The following PIGU variants were observed in gnomAD, a reference collection of about 807,000 sequenced individuals.
PIGU encodes phosphatidylinositol glycan anchor biosynthesis class U.
In PIGU, 24 loss-of-function variants were observed where a neutral mutation model predicts 49.9. The observed-to-expected ratio is 0.48, with a 90% confidence interval of 0.35 to 0.68. The LOEUF is 0.68. Ranked by LOEUF, PIGU falls within the 30% of genes least tolerant of loss-of-function variation. The pLI is 0.01. For synonymous variants in PIGU, 220 were observed against 205.7 expected (o/e 1.07, Z -0.59); for missense variants, 490 against 532.6 (o/e 0.92, Z 0.79).
At chr20:34,569,372 G>A (rs1038739244) in intron 11 of PIGU, among the ~76,000 whole-genome samples, 2 of 152,144 alleles carry the variant, frequency 1.3e-5, no homozygotes, top group African/African-American at 4.8e-5. Context: ...TGGGATTACA[G>A]GTAGCTTGCC....
intron 11 of PIGU, among the ~76,000 whole-genome samples, chr20:34,562,035 C>G (rs925748221): frequency 6.6e-6 from 1 of 152,216 alleles, no homozygotes; most frequent in African/African-American, 2.4e-5. Flanking sequence ...CTCAGTCTGT[C>G]TGTCCCATTC....
intron 1 of PIGU, among the ~76,000 whole-genome samples, chr20:34,659,092 C>T (rs1381028378): frequency 6.1e-4 from 84 of 138,504 alleles, no homozygotes; most frequent in African/African-American, 2.2e-3. Flanking sequence ...GTCAGCCCCC[C>T]ACCCGGCCAG....
chr20:34,645,147 A>G lies in PIGU; in HGVS notation c.255+128T>C, dbSNP rs59423192. The G allele has an allele frequency of 2.6e-3, 2,696 of 1,032,896 alleles. 66 individuals carry two copies. The African/African-American group carries it at 0.042, about 16-fold the overall frequency. The allele number at this position is 1,032,896 out of a possible 1,614,324, so 64.0% of individuals were successfully genotyped here. A position where few individuals can be genotyped will look rare whatever the true frequency, so the allele number is the denominator to read the frequency against. The stretch of plus-strand genomic sequence containing the variant: ...AATGGGAGGACCACTTAAGTCCAGG[A>G]GTCCAAGACCAGCCTGGGCAACACA... On this transcript the variant is annotated intron_variant, in intron 3 of 11. Transcript: ENST00000217446.
rs768279030 is a variant in PIGU, at chr20:34,585,588, TAA to T, written c.783-10_783-9del. The T allele has an allele frequency of 6.2e-7, 1 of 1,611,462 alleles. No individual in the cohort carries two copies. The highest frequency in any genetic ancestry group is 1.7e-5 in the Admixed American group (1 of 59,352). ...AGATCTGGAACAGAAAGTCTGGAAT[TAA>T]GAAAACAAAGGGAGAGAAAAAAGAC... On this transcript the variant is annotated splice_polypyrimidine_tract_variant and intron_variant, in intron 8 of 11. Coordinates refer to ENST00000217446, the MANE Select transcript of PIGU (RefSeq NM_080476.5).
intron 6 of PIGU, among the ~76,000 whole-genome samples, chr20:34,627,070 G>A (rs957745954): frequency 2.0e-5 from 3 of 152,096 alleles, no homozygotes; most frequent in Admixed American, 6.6e-5. Context: ...AGCTAAAATA[G>A]AACTCTTCAA....
intron 2 of PIGU, among the ~76,000 whole-genome samples, chr20:34,646,471 C>G (rs756583492): frequency 2.4e-4 from 36 of 152,196 alleles, no homozygotes; most frequent in African/African-American, 7.9e-4. Flanking sequence ...TGCAGTGGTA[C>G]GATCTTGGCT....
chr20:34,609,181 G>C (rs940678965), intron 7 of PIGU, among the ~76,000 whole-genome samples: 4 of 152,084 alleles, frequency 2.6e-5, no homozygotes, highest in African/African-American at 9.7e-5. Flanking sequence ...GGTGGCACAT[G>C]ACTGTAGTCC....
chr20:34,650,328 C>G (rs1460843771), intron 2 of PIGU, among the ~76,000 whole-genome samples: 1 of 151,798 alleles, frequency 6.6e-6, no homozygotes, highest in Non-Finnish European at 1.5e-5. Context: ...TGGAGGGCAA[C>G]GGCACAATCT....
At chr20:34,595,289 C>T (rs1984159007) in intron 7 of PIGU, among the ~76,000 whole-genome samples, 1 of 152,012 alleles carries the variant, frequency 6.6e-6, no homozygotes, top group Non-Finnish European at 1.5e-5. Flanking sequence ...TGTGTCTGTA[C>T]TGAACATGTA....
At chr20:34,648,397 CTT>C (rs1381668839) in intron 2 of PIGU, among the ~76,000 whole-genome samples, 1 of 152,076 alleles carries the variant, frequency 6.6e-6, no homozygotes, top group African/African-American at 2.4e-5. Flanking sequence ...AAATAATCCT[CTT>C]CATCTCTAGT....
At position 34,583,695 on chromosome 20, in the gene PIGU, G is replaced by T. The variant is rs545060830; in HGVS notation, c.926+1742C>A. On this transcript the variant is annotated intron_variant, in intron 9 of 11. Transcript: ENST00000217446. ...CATGGCTGGGCCTAACCGGAACAAG[G>T]ACAGGGAAGGTGGACCACAGACAGC... Among the ~76,000 whole-genome samples, 7 of 152,366 alleles carry T rather than the reference G, an allele frequency of 4.6e-5. No homozygotes were observed. In the South Asian group the frequency reaches 1.2e-3, roughly 27 times the overall value.
chr20:34,670,100 G>T (rs866717898), intron 1 of PIGU, among the ~76,000 whole-genome samples: 65 of 152,086 alleles, frequency 4.3e-4, no homozygotes, highest in African/African-American at 1.5e-3. Context: ...TGACTTGGAT[G>T]ACAGTTACAA....
In PIGU at chr20:34,585,507, T is replaced by G; in HGVS notation, c.856A>C (p.Ser286Arg). 1 of 1,613,302 alleles carries G rather than the reference T, an allele frequency of 6.2e-7. No homozygotes were observed. The highest frequency in any genetic ancestry group is 2.2e-5 in the East Asian group (1 of 44,880). Residue 286 changes from serine (S) to arginine (R), a missense_variant, in exon 9 of 12, where the codon AGC becomes CGC. Physicochemically the swap from Ser to Arg is moderately radical, Grantham distance 110. Transcript: ENST00000217446. The part of the protein sequence containing the change: ...YFFAEMFEHF[S>R]LFFVCVFQIN... ...TGAAACACACATACAAAGAAGAGGCTGAAGTGCTCAAACATCTCTGCAAAG... is the reference window on the plus strand; with the variant it reads ...TGAAACACACATACAAAGAAGAGGCGGAAGTGCTCAAACATCTCTGCAAAG...
intron 7 of PIGU, among the ~76,000 whole-genome samples, chr20:34,614,625 C>CAA (rs11477079): frequency 7.0e-5 from 8 of 113,942 alleles, no homozygotes; most frequent in Admixed American, 2.5e-4. Context: ...GACCTGCTCT[C>CAA]AAAAAAAAAA....
Position 34,668,483 on chromosome 20 carries a change from AGG to A in PIGU, c.130+8471_130+8472del, listed in dbSNP as rs1260284257. On this transcript the variant is annotated intron_variant, in intron 1 of 11. Transcript: ENST00000217446. The stretch of plus-strand genomic sequence containing the variant: ...TCTCAAAAAAAAAAAAAAAAAAAAA[AGG>A]GGGGGGCGGGCGTGCTGGCTCACAC... Among the ~76,000 whole-genome samples, 137 of 88,722 alleles carry A rather than the reference AGG, an allele frequency of 1.5e-3. 1 individual carries two copies. The highest frequency in any genetic ancestry group is 6.3e-3 in the African/African-American group (113 of 17,874). The allele number at this position is 88,722 out of a possible 152,430, so 58.2% of individuals were successfully genotyped here. A position where few individuals can be genotyped will look rare whatever the true frequency, so the allele number is the denominator to read the frequency against.
In PIGU at chr20:34,605,979, G is replaced by A. The variant is rs551276420; in HGVS notation, c.627+10063C>T. 6.6e-5 allele frequency among the ~76,000 whole-genome samples: 10 copies of A among 152,166 alleles called. No individual in the cohort carries two copies. In the South Asian group the frequency reaches 1.2e-3, roughly 19 times the overall value. The stretch of plus-strand genomic sequence containing the variant: ...TCCAGGTAATCAACAATTCCCAGCC[G>A]GCGCAGTGGCTCACACCTGTAATCC... On this transcript the variant is annotated intron_variant, in intron 7 of 11. Transcript: ENST00000217446.
chr20:34,650,167 T>C (rs991961698), intron 2 of PIGU, among the ~76,000 whole-genome samples: 33 of 152,244 alleles, frequency 2.2e-4, no homozygotes, highest in African/African-American at 7.9e-4. Context: ...TAATTTATTA[T>C]GTTTTCTATT....
At chr20:34,660,619 C>T (rs574657744) in intron 1 of PIGU, among the ~76,000 whole-genome samples, 58 of 152,196 alleles carry the variant, frequency 3.8e-4, no homozygotes, top group African/African-American at 1.3e-3. Flanking sequence ...TAACCTCAGT[C>T]TAACTGTGAG....
At chr20:34,615,916 A>G (rs8119524) in intron 7 of PIGU, 126 bp downstream of exon 7, 28 of 1,394,982 alleles carry the variant, frequency 2.0e-5, no homozygotes, top group South Asian at 5.1e-5. Flanking sequence ...CTATGTGTTT[A>G]TATTTTCAAC....
Sources: gnomAD v4.1 joint callset for allele counts (sites outside exome capture counted in the v4.1 genomes callset) on GRCh38, gnomAD v4.1.1 for gene constraint, MANE v1.5 for transcripts, NCBI Gene and HGNC (gene_info 2026-07-23, HGNC 2026-07-21) for gene names.